Variants in PACS2 observed in about 807,000 individuals in gnomAD.
PACS2 encodes PACS1-like protein.
PACS2 carries 36 observed loss-of-function variants against 113.0 expected under a neutral mutation model. That is an observed-to-expected ratio of 0.32 (90% CI 0.24 to 0.42). The LOEUF is 0.42. Ranked by LOEUF, PACS2 falls within the 10% of genes least tolerant of loss-of-function variation. PACS2 has a pLI of 1.00. For missense variants in PACS2, 1,015 were observed against 1,239.5 expected, an observed-to-expected ratio of 0.82 and a Z score of 2.72; for synonymous variants, 589 against 536.1, an observed-to-expected ratio of 1.10 and a Z score of -1.36.
intron 17 of PACS2, 60 bp downstream of exon 17, chr14:105,384,523 C>T (rs2081106464): frequency 1.9e-6 from 2 of 1,075,550 alleles, no homozygotes; most frequent in Admixed American, 3.8e-5. Context: ...CCCGGTTTCC[C>T]CAGATGCTGT....
intron 1 of PACS2, among the ~76,000 whole-genome samples, chr14:105,341,298 T>C (rs2059715273): frequency 6.6e-6 from 1 of 152,232 alleles, no homozygotes; most frequent in African/African-American, 2.4e-5. Context: ...CGGATTCAAG[T>C]CGGCTCTTTT....
intron 8 of PACS2, among the ~76,000 whole-genome samples, chr14:105,373,167 C>A (rs2061221451): frequency 6.6e-6 from 1 of 152,152 alleles, no homozygotes; most frequent in African/African-American, 2.4e-5. Context: ...AATTGATGTA[C>A]AAATTCAACA....
chr14:105,307,747 A>T (rs2058231251), intron 1 of PACS2, among the ~76,000 whole-genome samples: 1 of 152,222 alleles, frequency 6.6e-6, no homozygotes, highest in Non-Finnish European at 1.5e-5. Context: ...CAGGGATAAG[A>T]ATAGCCCACC....
chr14:105,355,240 C>A lies in PACS2; in HGVS notation c.423+63C>A. The A allele has an allele frequency of 6.4e-7, 1 of 1,553,954 alleles. No homozygotes were observed. Among genetic ancestry groups the A allele is most frequent in the Non-Finnish European group, 8.7e-7 (1 of 1,145,518 alleles). On this transcript the variant is annotated intron_variant, in intron 4 of 24. Coordinates refer to ENST00000447393, the MANE Select transcript of PACS2 (RefSeq NM_001100913.3). The surrounding 1 kb of genome is among the most constrained non-coding windows in gnomAD (Gnocchi z 4.1). ...CCACCTGGGTGCCAGAGCATTCGCC[C>A]GTGGGAGATGGAGATGTCTCTCCCG...
chr14:105,320,533 G>A (rs1199106935), intron 1 of PACS2, among the ~76,000 whole-genome samples: 1 of 151,996 alleles, frequency 6.6e-6, no homozygotes, highest in Non-Finnish European at 1.5e-5. Flanking sequence ...TGTAGAGATG[G>A]GGTCTCACTA....
At chr14:105,304,841 T>C (rs147956580) in intron 1 of PACS2, among the ~76,000 whole-genome samples, 1 of 152,246 alleles carries the variant, frequency 6.6e-6, no homozygotes, top group African/African-American at 2.4e-5. Flanking sequence ...AACCGTCAGA[T>C]CTCGTGAGAC....
chr14:105,326,289 T>G (rs1379591586), intron 1 of PACS2, among the ~76,000 whole-genome samples: 1 of 152,154 alleles, frequency 6.6e-6, no homozygotes, highest in Non-Finnish European at 1.5e-5. Flanking sequence ...GGGCGGGGGC[T>G]CCGCAGCAGC....
At chr14:105,316,591 A>T (rs1019128918) in intron 1 of PACS2, among the ~76,000 whole-genome samples, 2 of 152,078 alleles carry the variant, frequency 1.3e-5, no homozygotes, top group African/African-American at 4.8e-5. Flanking sequence ...CTTTAACCCA[A>T]GGGAGGTGGG....
chr14:105,331,079 C>T (rs1035069934), intron 1 of PACS2, among the ~76,000 whole-genome samples: 3 of 152,140 alleles, frequency 2.0e-5, no homozygotes, highest in East Asian at 1.9e-4. Flanking sequence ...CTCAGCCTCC[C>T]GAGTAGCTGG....
intron 4 of PACS2, among the ~76,000 whole-genome samples, chr14:105,363,700 T>C (rs2060817335): frequency 6.6e-6 from 1 of 152,202 alleles, no homozygotes; most frequent in African/African-American, 2.4e-5. Context: ...CGATTTTCCT[T>C]TCCCTCAGGA....
rs200599760 is a variant in PACS2 at position 105,368,133 on chromosome 14, G to A, written c.646G>A (p.Ala216Thr). ...FSSEQEASDD[A>T]VQGQDLDEDD... ...CTCCGAGCAGGAGGCCAGTGACGACGCCGTGCAGGGGCAGGTGACCTGGGG... is the reference window on the plus strand; with the variant it reads ...CTCCGAGCAGGAGGCCAGTGACGACACCGTGCAGGGGCAGGTGACCTGGGG... Residue 216 changes from alanine (A) to threonine (T), a missense_variant, in exon 6 of 25, where the codon GCC becomes ACC. By Grantham distance (58) the Ala-to-Thr change is moderately conservative. Coordinates refer to ENST00000447393, the MANE Select transcript of PACS2 (RefSeq NM_001100913.3). 16 of 1,608,334 alleles carry A rather than the reference G, an allele frequency of 9.9e-6. No individual in the cohort carries two copies. The South Asian group carries it at 1.2e-4, about 12-fold the overall frequency.
intron 1 of PACS2, among the ~76,000 whole-genome samples, chr14:105,333,955 C>T (rs1256164715): frequency 1.3e-5 from 2 of 152,356 alleles, no homozygotes; most frequent in South Asian, 2.1e-4. Context: ...TGCACAGAAA[C>T]GCCCTTGCTG....
chr14:105,364,051 C>G (rs587757856), intron 4 of PACS2, among the ~76,000 whole-genome samples: 2 of 152,076 alleles, frequency 1.3e-5, no homozygotes, highest in African/African-American at 4.8e-5. Flanking sequence ...ATAGTCACAC[C>G]GTAGCTCACT....
chr14:105,353,124 A>C (rs1406635125), intron 3 of PACS2, among the ~76,000 whole-genome samples: 61 of 15,328 alleles, frequency 4.0e-3, no homozygotes, highest in African/African-American at 4.3e-3. Flanking sequence ...GGTGACGGGC[A>C]CCCCCTCATC....
chr14:105,305,140 T>C (rs1251142796), intron 1 of PACS2, among the ~76,000 whole-genome samples: 1 of 152,026 alleles, frequency 6.6e-6, no homozygotes, highest in East Asian at 1.9e-4. Flanking sequence ...GTGGCTCACA[T>C]CTGTGATCTC....
intron 1 of PACS2, among the ~76,000 whole-genome samples, chr14:105,327,613 T>TG (rs1566906441): frequency 1.3e-5 from 2 of 152,192 alleles, no homozygotes; most frequent in Admixed American, 6.5e-5. Flanking sequence ...TCACTGTACT[T>TG]GCCTGGGGAG....
chr14:105,350,039 G>C (rs983371426), intron 2 of PACS2, among the ~76,000 whole-genome samples: 1 of 149,100 alleles, frequency 6.7e-6, no homozygotes, highest in Non-Finnish European at 1.5e-5. Flanking sequence ...GTGGCTAATA[G>C]CAGGACCCCA....
Position 105,330,935 on chromosome 14 carries a change from C to T in PACS2, c.119+15898C>T, listed in dbSNP as rs1243504758. ...TGGGGCCTAGCCTTGCTCTGGTGAA[C>T]GGCTTTGTTGGATGCTGGGGTTGGC... On this transcript the variant is annotated intron_variant, in intron 1 of 24. Coordinates refer to ENST00000447393, the MANE Select transcript of PACS2 (RefSeq NM_001100913.3). The surrounding 1 kb of genome is among the most constrained non-coding windows in gnomAD (Gnocchi z 6.9). Among the ~76,000 whole-genome samples, 20 of 151,986 alleles carry T rather than the reference C, an allele frequency of 1.3e-4. No individual in the cohort carries two copies. The highest frequency in any genetic ancestry group is 3.2e-3 in the Middle Eastern group (1 of 314).
intron 9 of PACS2, among the ~76,000 whole-genome samples, chr14:105,379,131 T>C (rs1395436840): frequency 6.6e-6 from 1 of 151,800 alleles, no homozygotes; most frequent in Non-Finnish European, 1.5e-5. Context: ...GCCTGAGTGG[T>C]CTGGAAAGGC....
Sources: allele counts gnomAD v4.1 joint callset (sites outside exome capture counted in the v4.1 genomes callset), GRCh38; gene constraint gnomAD v4.1.1; non-coding constraint Gnocchi (gnomAD v3.1); transcripts MANE v1.5; gene names NCBI Gene and HGNC (gene_info 2026-07-23, HGNC 2026-07-21).